TNFSF4: variants seen among roughly 807,000 people sequenced by gnomAD.
The protein encoded by TNFSF4 is TNF superfamily member 4.
A neutral mutation model predicts 7.3 loss-of-function variants in TNFSF4; 4 were observed. The ratio of observed to expected loss-of-function variants is 0.55; its 90% CI spans 0.27 to 1.25. The LOEUF is 1.25. TNFSF4 is among the 50% of genes most tolerant of loss of function. TNFSF4 has a pLI of 0.12. For missense variants in TNFSF4, 181 were observed against 208.8 expected (o/e 0.87, Z 0.82); for synonymous variants, 76 against 83.7 (o/e 0.91, Z 0.50).
chr1:173,386,371 A>AC, the TNFSF4 span, among the ~76,000 whole-genome samples: 1 of 152,260 alleles, frequency 6.6e-6, no homozygotes, highest in East Asian at 1.9e-4. Context: ...AGTCACAGCT[A>AC]CCTCCACCTA....
At chr1:173,182,868 G>A (rs1649080046), downstream of TNFSF4, among the ~76,000 whole-genome samples, 1 of 152,184 alleles carries the variant, frequency 6.6e-6, no homozygotes, top group African/African-American at 2.4e-5. Context: ...CACATTGTGT[G>A]GGTGAGGAGA....
the TNFSF4 span, among the ~76,000 whole-genome samples, chr1:173,385,315 T>G: frequency 1.3e-5 from 2 of 152,206 alleles, no homozygotes; most frequent in African/African-American, 4.8e-5. Context: ...TACTGCCTTC[T>G]AGGAAGAAAG....
At chr1:173,357,643 T>G in the TNFSF4 span, among the ~76,000 whole-genome samples, 1 of 152,170 alleles carries the variant, frequency 6.6e-6, no homozygotes, top group South Asian at 2.1e-4. Flanking sequence ...GCGATTCTCC[T>G]GCCTCAGCCT....
At chr1:173,365,478 G>A in the TNFSF4 span, among the ~76,000 whole-genome samples, 2 of 152,262 alleles carry the variant, frequency 1.3e-5, no homozygotes, top group Admixed American at 1.3e-4. Flanking sequence ...TCTATCAAGT[G>A]TCTTTCATAT....
chr1:173,263,105 T>C, the TNFSF4 span, among the ~76,000 whole-genome samples: 2 of 152,080 alleles, frequency 1.3e-5, no homozygotes, highest in Non-Finnish European at 2.9e-5. Flanking sequence ...CAAGGACAAG[T>C]ACAAACCACT....
chr1:173,308,295 G>C, the TNFSF4 span, among the ~76,000 whole-genome samples: 254 of 144,456 alleles, frequency 1.8e-3, 1 homozygote, highest in African/African-American at 6.7e-3. Flanking sequence ...CTGTGTGTGT[G>C]TGTGTGTGTG....
At chr1:173,250,702 G>A in the TNFSF4 span, among the ~76,000 whole-genome samples, 16 of 151,930 alleles carry the variant, frequency 1.1e-4, no homozygotes, top group Middle Eastern at 3.4e-3. Context: ...CTCGTGATCC[G>A]CCCACCTCGG....
chr1:173,352,034 A>G, the TNFSF4 span: 6 of 366,528 alleles, frequency 1.6e-5, no homozygotes, highest in Non-Finnish European at 3.0e-5. Flanking sequence ...ACAAGTTTTG[A>G]TTAAAATTTG....
the TNFSF4 span, among the ~76,000 whole-genome samples, chr1:173,359,342 T>A: frequency 6.6e-6 from 1 of 151,760 alleles, no homozygotes; most frequent in Non-Finnish European, 1.5e-5. Context: ...GATCAATAAA[T>A]ACTTATATGT....
At chr1:173,397,385 C>T in the TNFSF4 span, among the ~76,000 whole-genome samples, 3 of 152,222 alleles carry the variant, frequency 2.0e-5, no homozygotes, top group Non-Finnish European at 4.4e-5. Flanking sequence ...ACCAAAGCAA[C>T]TGTACATTGG....
At chr1:173,351,359 T>C in the TNFSF4 span, among the ~76,000 whole-genome samples, 16 of 152,242 alleles carry the variant, frequency 1.1e-4, no homozygotes, top group African/African-American at 3.9e-4. Context: ...TCTCTTTGTG[T>C]TATGGTCCCA....
chr1:173,368,928 A>G, the TNFSF4 span, among the ~76,000 whole-genome samples: 2 of 152,142 alleles, frequency 1.3e-5, no homozygotes, highest in African/African-American at 4.8e-5. Flanking sequence ...GATTTCTAGT[A>G]TAAATTTCAG....
the TNFSF4 span, among the ~76,000 whole-genome samples, chr1:173,324,310 T>G: frequency 6.6e-6 from 1 of 152,066 alleles, no homozygotes; most frequent in East Asian, 1.9e-4. Context: ...GACAAGCAAA[T>G]GCTGAGAGAT....
the TNFSF4 span, among the ~76,000 whole-genome samples, chr1:173,267,891 CAGAGG>C: frequency 2.0e-5 from 3 of 150,246 alleles, no homozygotes; most frequent in South Asian, 2.1e-4. Context: ...GAGAGGAGAG[CAGAGG>C]AGAGGAGAGG....
At chr1:173,302,073 C>T in the TNFSF4 span, among the ~76,000 whole-genome samples, 2 of 151,834 alleles carry the variant, frequency 1.3e-5, no homozygotes, top group African/African-American at 4.8e-5. Context: ...CTTTAATAGT[C>T]TGGAAGCCTG....
chr1:173,218,806 T>C, the TNFSF4 span, among the ~76,000 whole-genome samples: 13 of 152,172 alleles, frequency 8.5e-5, no homozygotes, highest in African/African-American at 3.1e-4. Flanking sequence ...GATTGGTTAA[T>C]ACTAACAACT....
the TNFSF4 span, among the ~76,000 whole-genome samples, chr1:173,246,508 T>A: frequency 2.6e-5 from 4 of 152,320 alleles, no homozygotes; most frequent in East Asian, 1.9e-4. Flanking sequence ...CCAACCTAAA[T>A]GCCCATCAAT....
the TNFSF4 span, among the ~76,000 whole-genome samples, chr1:173,273,247 A>G: frequency 6.6e-6 from 1 of 152,136 alleles, no homozygotes; most frequent in Non-Finnish European, 1.5e-5. Context: ...TGGTTTCACC[A>G]TTCTTCCAAT....
At chr1:173,373,786 C>G in the TNFSF4 span, among the ~76,000 whole-genome samples, 46 of 152,308 alleles carry the variant, frequency 3.0e-4, no homozygotes, top group Non-Finnish European at 6.3e-4. Flanking sequence ...TGTGCTGACA[C>G]CTTTACAAAT....
Sources: allele counts gnomAD v4.1 joint callset (sites outside exome capture counted in the v4.1 genomes callset), GRCh38; gene constraint gnomAD v4.1.1; transcripts MANE v1.5; gene names NCBI Gene and HGNC (gene_info 2026-07-23, HGNC 2026-07-21).